Variants in ATP13A4 observed in about 807,000 individuals in gnomAD.
The protein encoded by ATP13A4 is ATPase 13A4, also known as probable cation-transporting ATPase 13A4.
In ATP13A4, 114 loss-of-function variants were observed where a neutral mutation model predicts 142.5. That is an observed-to-expected ratio of 0.80 (90% confidence interval 0.69 to 0.93). The LOEUF (loss-of-function observed/expected upper bound fraction) is 0.93. ATP13A4 is among the 40% of genes least tolerant of loss of function. The pLI, the probability that ATP13A4 is intolerant of heterozygous loss-of-function variation, is 0.00. For synonymous variants in ATP13A4, 488 were observed against 514.8 expected (o/e 0.95, Z 0.70); for missense variants, 1,392 against 1,454.0 (o/e 0.96, Z 0.69).
intron 25 of ATP13A4, among the ~76,000 whole-genome samples, chr3:193,418,145 AAAAAAAAAAAAAAAAAAAAAAAT>A (rs1715196598): frequency 6.2e-5 from 7 of 112,106 alleles, no homozygotes; most frequent in African/African-American, 2.7e-4. Flanking sequence ...AAAAAAAAAA[AAAAAAAAAAAAAAAAAAAAAAAT>A]TAGCCAGGCG....
At chr3:193,541,197 C>T (rs956468678) in intron 1 of ATP13A4, among the ~76,000 whole-genome samples, 1 of 140,972 alleles carries the variant, frequency 7.1e-6, no homozygotes, top group Non-Finnish European at 1.5e-5. Context: ...TGCAGTGAGC[C>T]GAGATCGAGC....
chr3:193,406,149 CGT>C (rs1714480393), intron 29 of ATP13A4, among the ~76,000 whole-genome samples: 2 of 152,124 alleles, frequency 1.3e-5, no homozygotes, highest in Admixed American at 6.5e-5. Flanking sequence ...GGCTGGGCAA[CGT>C]GTGTTTTAAT....
chr3:193,465,338 C>CCACCA (rs1489002219), intron 11 of ATP13A4, among the ~76,000 whole-genome samples: 1 of 152,152 alleles, frequency 6.6e-6, no homozygotes, highest in East Asian at 1.9e-4. Flanking sequence ...CAGGCACACG[C>CCACCA]CACCACACCT....
Position 193,489,822 on chromosome 3 carries a change from A to G in ATP13A4, c.646T>C (p.Leu216=), listed in dbSNP as rs752397472. The change falls in exon 7 of 30, where the codon TTG becomes CTG. Residue 216 remains leucine (L), a synonymous_variant. Coordinates refer to ENST00000342695, the MANE Select transcript of ATP13A4 (RefSeq NM_032279.4). ...TCCTTATAGTCTTCACTAAACCACA[A>G]ACAGACACTGAAGAGTTGAAATATA... ...FYIFQLFSVC[L]WFSEDYKEYA... 1 of 1,611,978 alleles carries G rather than the reference A, an allele frequency of 6.2e-7. No homozygotes were observed. Among genetic ancestry groups the G allele is most frequent in the Non-Finnish European group, 8.5e-7 (1 of 1,178,164 alleles).
At chr3:193,407,665 T>C (rs1209507709) in intron 28 of ATP13A4, among the ~76,000 whole-genome samples, 1 of 152,200 alleles carries the variant, frequency 6.6e-6, no homozygotes, top group African/African-American at 2.4e-5. Context: ...GATGTGTGTG[T>C]GTTTCTCTAT....
At chr3:193,549,040 C>T (rs1723388855) in intron 1 of ATP13A4, among the ~76,000 whole-genome samples, 1 of 152,076 alleles carries the variant, frequency 6.6e-6, no homozygotes, top group Admixed American at 6.5e-5. Flanking sequence ...ATTTTGTATA[C>T]TGAATGAGCC....
intron 8 of ATP13A4, among the ~76,000 whole-genome samples, chr3:193,477,014 C>T (rs892423313): frequency 2.6e-5 from 4 of 151,914 alleles, no homozygotes; most frequent in Non-Finnish European, 5.9e-5. Context: ...AAAAATGGCA[C>T]GGATAGACTT....
intron 1 of ATP13A4, among the ~76,000 whole-genome samples, chr3:193,529,842 A>G (rs1163024724): frequency 6.6e-6 from 1 of 152,210 alleles, no homozygotes; most frequent in African/African-American, 2.4e-5. Flanking sequence ...TTGGCTCTAA[A>G]CCAAACGAGA....
intron 8 of ATP13A4, among the ~76,000 whole-genome samples, chr3:193,472,895 C>A (rs1417211314): frequency 6.6e-6 from 1 of 152,114 alleles, no homozygotes; most frequent in Admixed American, 6.5e-5. Context: ...CTACAATAAA[C>A]CCTGTGATAG....
intron 18 of ATP13A4, among the ~76,000 whole-genome samples, chr3:193,444,895 T>C (rs756293316): frequency 4.6e-5 from 7 of 152,168 alleles, no homozygotes; most frequent in Non-Finnish European, 1.0e-4. Flanking sequence ...TGAGCGCTCA[T>C]AGGCTTCCTC....
intron 1 of ATP13A4, among the ~76,000 whole-genome samples, chr3:193,528,242 A>G (rs953665874): frequency 1.3e-5 from 2 of 152,160 alleles, no homozygotes; most frequent in African/African-American, 4.8e-5. Flanking sequence ...CTAGCCTGCC[A>G]CCCTGTGACT....
At chr3:193,408,383 C>T (rs1245709994) in intron 28 of ATP13A4, among the ~76,000 whole-genome samples, 1 of 152,126 alleles carries the variant, frequency 6.6e-6, no homozygotes, top group Non-Finnish European at 1.5e-5. Flanking sequence ...GCATGGTATA[C>T]ATATGACATA....
chr3:193,521,301 CCTA>C (rs1721701825), intron 1 of ATP13A4, among the ~76,000 whole-genome samples: 1 of 152,102 alleles, frequency 6.6e-6, no homozygotes, highest in South Asian at 2.1e-4. Flanking sequence ...ATGAAGATCT[CCTA>C]CTGAGACAAT....
rs1043757338 is a variant in ATP13A4, at chr3:193,399,869, G to T, written c.*2783C>A. On this transcript the variant is annotated 3_prime_UTR_variant, in exon 30 of 30. Coordinates refer to ENST00000342695, the MANE Select transcript of ATP13A4 (RefSeq NM_032279.4). Reference sequence around the variant, plus strand: ...TCAAAAAAAAAAAAAAAAAAAAAAGGTTCACATCACAGCATAAGACTGAGA... The same window carrying T: ...TCAAAAAAAAAAAAAAAAAAAAAAGTTTCACATCACAGCATAAGACTGAGA... Among the ~76,000 whole-genome samples, 68 of 95,666 alleles carry T rather than the reference G, an allele frequency of 7.1e-4. No individual in the cohort carries two copies. Among genetic ancestry groups the T allele is most frequent in the African/African-American group, 2.4e-3 (67 of 27,662 alleles). The allele number at this position is 95,666 out of a possible 152,430, so 62.8% of individuals were successfully genotyped here.
In ATP13A4 at chr3:193,414,578, C is replaced by G; in HGVS notation, c.3014+1G>C. On this transcript the variant is annotated splice_donor_variant, in intron 26 of 29. Coordinates refer to ENST00000342695, the MANE Select transcript of ATP13A4 (RefSeq NM_032279.4). LOFTEE classifies it high-confidence loss of function. ...AGCAGAAGCTGAGACTATACTCATACCTGTGTATCTCCACGGAATACCAAG... is the reference window on the plus strand; with the variant it reads ...AGCAGAAGCTGAGACTATACTCATAGCTGTGTATCTCCACGGAATACCAAG... The G allele has an allele frequency of 6.2e-7, 1 of 1,613,526 alleles. No individual in the cohort carries two copies. Among genetic ancestry groups the G allele is most frequent in the South Asian group, 1.1e-5 (1 of 91,056 alleles).
chr3:193,531,784 T>C (rs1338501247), intron 1 of ATP13A4, among the ~76,000 whole-genome samples: 3 of 152,158 alleles, frequency 2.0e-5, no homozygotes, highest in Admixed American at 1.3e-4. Context: ...CTGCCATGTA[T>C]TTACCTTTAC....
At chr3:193,437,843 T>TTG (rs1485382697) in intron 23 of ATP13A4, among the ~76,000 whole-genome samples, 8 of 148,032 alleles carry the variant, frequency 5.4e-5, no homozygotes, top group African/African-American at 2.0e-4. Context: ...TTTTTTTTTT[T>TTG]TTTTTTGAGA....
At chr3:193,433,786 G>C (rs1220813746) in intron 25 of ATP13A4, 59 bp downstream of exon 25, 16 of 1,266,490 alleles carry the variant, frequency 1.3e-5, no homozygotes, top group Non-Finnish European at 1.9e-5. Flanking sequence ...ATCTTTCCAA[G>C]GCAGAGGGAG....
chr3:193,483,263 G>A (rs1353000782), intron 8 of ATP13A4, among the ~76,000 whole-genome samples: 1 of 152,102 alleles, frequency 6.6e-6, no homozygotes, highest in Non-Finnish European at 1.5e-5. Flanking sequence ...GGATGGGGGA[G>A]TTGGGAGGAA....
Sources: allele counts gnomAD v4.1 joint callset (sites outside exome capture counted in the v4.1 genomes callset), GRCh38; gene constraint gnomAD v4.1.1; transcripts MANE v1.5; gene names NCBI Gene and HGNC (gene_info 2026-07-23, HGNC 2026-07-21).